The following TOP1 variants were observed in gnomAD, a reference collection of about 807,000 sequenced individuals.
The protein encoded by TOP1 is DNA topoisomerase 1.
In TOP1, 10 loss-of-function variants were observed where a neutral mutation model predicts 111.1. That is an observed-to-expected ratio of 0.09 (90% CI 0.06 to 0.15). The LOEUF (loss-of-function observed/expected upper bound fraction) is 0.15, where lower values mean the gene tolerates loss of function less well. Among genes scored for constraint, TOP1 ranks in the 10% least tolerant of loss-of-function variants. The probability of loss-of-function intolerance (pLI) is 1.00; values close to 1 mark genes in which losing one functional copy is unlikely to be tolerated. For missense variants in TOP1, 474 were observed against 926.7 expected (o/e 0.51, Z 6.34); for synonymous variants, 271 against 302.9 (o/e 0.89, Z 1.10).
chr20:41,028,921 T>C lies in TOP1; in HGVS notation c.-147T>C. The stretch of plus-strand genomic sequence containing the variant: ...CCGCCGTGGTAGCAGCCTCAGCCGT[T>C]TCTGGAGTCTCGGGCCCACAGTCAC... On this transcript the variant is annotated 5_prime_UTR_variant, in exon 1 of 21. Coordinates refer to ENST00000361337, the MANE Select transcript of TOP1 (RefSeq NM_003286.4). 1 of 642,072 alleles carries C rather than the reference T, an allele frequency of 1.6e-6. No individual in the cohort carries two copies. The highest frequency in any genetic ancestry group is 2.7e-6 in the Non-Finnish European group (1 of 376,450). 39.8% of individuals were successfully genotyped at this position (642,072 alleles called of 1,614,324 possible). A position where few individuals can be genotyped will look rare whatever the true frequency, so the allele number is the denominator to read the frequency against.
chr20:41,074,691 C>T (rs1315726642), intron 3 of TOP1, among the ~76,000 whole-genome samples: 9 of 152,130 alleles, frequency 5.9e-5, no homozygotes, highest in Non-Finnish European at 1.3e-4. Flanking sequence ...AACTGCATGC[C>T]ATCATTTGTT....
chr20:41,114,248 C>T lies in TOP1; in HGVS notation c.1638+93C>T. 1 of 1,156,224 alleles carries T rather than the reference C, an allele frequency of 8.6e-7. No individual in the cohort carries two copies. Among genetic ancestry groups the T allele is most frequent in the Non-Finnish European group, 1.2e-6 (1 of 800,456 alleles). The allele number at this position is 1,156,224 out of a possible 1,614,324, so 71.6% of individuals were successfully genotyped here. A position where few individuals can be genotyped will look rare whatever the true frequency, so the allele number is the denominator to read the frequency against. On this transcript the variant is annotated intron_variant, in intron 15 of 20. Transcript: ENST00000361337. This position sits in a 1 kb window ranked among gnomAD's most constrained non-coding sequence, Gnocchi z 4.5. ...TTTGTGTGCTTTGCACTTTGCTGGG[C>T]ACCAGCAAAAGTGACTTGAGACAGG...
intron 9 of TOP1, among the ~76,000 whole-genome samples, chr20:41,096,901 A>C (rs2033990616): frequency 6.6e-6 from 1 of 152,020 alleles, no homozygotes; most frequent in Non-Finnish European, 1.5e-5. Context: ...GGTGTAAAGG[A>C]CCCTGCTTGC....
At chr20:41,091,788 C>A (rs967474622) in intron 8 of TOP1, among the ~76,000 whole-genome samples, 7 of 152,088 alleles carry the variant, frequency 4.6e-5, no homozygotes, top group African/African-American at 1.7e-4. Context: ...TGGATCACGA[C>A]CTCCTGACCT....
At chr20:41,119,446 CTG>C (rs1221471598) in intron 18 of TOP1, among the ~76,000 whole-genome samples, 3 of 152,096 alleles carry the variant, frequency 2.0e-5, no homozygotes, top group Non-Finnish European at 4.4e-5. Context: ...GAGACCCTGT[CTG>C]TATTAAAAAT....
chr20:41,112,723 A>T lies in TOP1; in HGVS notation c.1309-59A>T. 6.3e-7 allele frequency: 1 copy of T among 1,584,722 alleles called. No individual in the cohort carries two copies. The highest frequency in any genetic ancestry group is 8.6e-7 in the Non-Finnish European group (1 of 1,161,148). The stretch of plus-strand genomic sequence containing the variant: ...GCGCCACCTTGCCTGGCTATATTCA[A>T]AGTCTGTCTTTACTACACTGTCCCA... On this transcript the variant is annotated intron_variant, in intron 13 of 20. Coordinates refer to ENST00000361337, the MANE Select transcript of TOP1 (RefSeq NM_003286.4). The surrounding 1 kb of genome is among the most constrained non-coding windows in gnomAD (Gnocchi z 5.8).
At position 41,082,282 on chromosome 20, in the gene TOP1, T is replaced by C. The variant is rs1054042957; in HGVS notation, c.507+1042T>C. On this transcript the variant is annotated intron_variant, in intron 7 of 20. Transcript: ENST00000361337. This position sits in a 1 kb window ranked among gnomAD's most constrained non-coding sequence, Gnocchi z 4.1. ...AATAGAATGATGTTAATAATCACAA[T>C]TAAATGTAATAGGTGCTTACCATGT... 1.3e-5 allele frequency among the ~76,000 whole-genome samples: 2 copies of C among 152,214 alleles called. No homozygotes were observed. Among genetic ancestry groups the C allele is most frequent in the Non-Finnish European group, 2.9e-5 (2 of 68,024 alleles).
rs1379148403 is a variant in TOP1, at chr20:41,080,720, G to GA, written c.432-442dup. 6.6e-6 allele frequency among the ~76,000 whole-genome samples: 1 copy of GA among 152,128 alleles called. No homozygotes were observed. Among genetic ancestry groups the GA allele is most frequent in the Non-Finnish European group, 1.5e-5 (1 of 68,030 alleles). On this transcript the variant is annotated intron_variant, in intron 6 of 20. Coordinates refer to ENST00000361337, the MANE Select transcript of TOP1 (RefSeq NM_003286.4). The surrounding 1 kb of genome is among the most constrained non-coding windows in gnomAD (Gnocchi z 5.0). Reference sequence around the variant, plus strand: ...AGAAATTGGATGGAAAGGGAGAAGGGAAATACTTAGTGAACTCATTTGTAT... The same window carrying GA: ...AGAAATTGGATGGAAAGGGAGAAGGGAAAATACTTAGTGAACTCATTTGTAT...
intron 2 of TOP1, among the ~76,000 whole-genome samples, chr20:41,051,526 G>C (rs1007366945): frequency 1.3e-5 from 2 of 152,182 alleles, no homozygotes; most frequent in South Asian, 2.1e-4. Flanking sequence ...AGAGACACCA[G>C]ATAGAATAAG....
At chr20:41,045,916 A>AT (rs536300631) in intron 2 of TOP1, among the ~76,000 whole-genome samples, 171 of 152,330 alleles carry the variant, frequency 1.1e-3, no homozygotes, top group African/African-American at 4.0e-3. Flanking sequence ...GCTGCATCTT[A>AT]TAAGTAATCT....
chr20:41,029,170 C>G lies in TOP1; in HGVS notation c.33+70C>G. On this transcript the variant is annotated intron_variant, in intron 1 of 20. Transcript: ENST00000361337. The surrounding 1 kb of genome is among the most constrained non-coding windows in gnomAD (Gnocchi z 6.1). ...CGTCCCGCGACCCCCGGCGCAGGCC[C>G]CGACCCCAGCCCCGGCCCGGCAGCT... 8.1e-7 allele frequency: 1 copy of G among 1,227,156 alleles called. No homozygotes were observed. The highest frequency in any genetic ancestry group is 1.1e-6 in the Non-Finnish European group (1 of 933,282). The allele number at this position is 1,227,156 out of a possible 1,614,324, so 76.0% of individuals were successfully genotyped here. A position where few individuals can be genotyped will look rare whatever the true frequency, so the allele number is the denominator to read the frequency against.
chr20:41,123,455 G>T lies in TOP1; in HGVS notation c.*158G>T. On this transcript the variant is annotated 3_prime_UTR_variant, in exon 21 of 21. Transcript: ENST00000361337. This position sits in a 1 kb window ranked among gnomAD's most constrained non-coding sequence, Gnocchi z 5.8. ...AGATAAACCTGGAGATATTATAAGG[G>T]AGAGCTGAGCCAGTTGTCCTATGGA... 1 of 532,936 alleles carries T rather than the reference G, an allele frequency of 1.9e-6. No homozygotes were observed. Among genetic ancestry groups the T allele is most frequent in the Non-Finnish European group, 3.3e-6 (1 of 301,984 alleles). The allele number at this position is 532,936 out of a possible 1,614,324, so 33.0% of individuals were successfully genotyped here.
rs2145954386 is a variant in TOP1 at position 41,102,644 on chromosome 20, T to C, written c.1308+1291T>C. Among the ~76,000 whole-genome samples, 1 of 152,242 alleles carries C rather than the reference T, an allele frequency of 6.6e-6. No individual in the cohort carries two copies. Among genetic ancestry groups the C allele is most frequent in the African/African-American group, 2.4e-5 (1 of 41,528 alleles). On this transcript the variant is annotated intron_variant, in intron 13 of 20. Transcript: ENST00000361337. The surrounding 1 kb of genome is among the most constrained non-coding windows in gnomAD (Gnocchi z 4.0). ...ACTAAATACATAAATAAAAATAAAA[T>C]GTAGTTTTTGTAGTTTAGATAAGTA... is the stretch of plus-strand genomic sequence containing the variant.
chr20:41,116,248 G>A lies in TOP1; in HGVS notation c.1708-30G>A, dbSNP rs781391410. The A allele has an allele frequency of 6.7e-7, 1 of 1,500,086 alleles. No homozygotes were observed. The highest frequency in any genetic ancestry group is 1.1e-5 in the South Asian group (1 of 88,418). 92.9% of individuals were successfully genotyped at this position (1,500,086 alleles called of 1,614,324 possible). The stretch of plus-strand genomic sequence containing the variant: ...CAGAAGGAGCAGGTAGTATAGCTTT[G>A]ACCTAAATCTGTTGCTTTGTCTCCT... On this transcript the variant is annotated intron_variant, in intron 16 of 20. Transcript: ENST00000361337. This position sits in a 1 kb window ranked among gnomAD's most constrained non-coding sequence, Gnocchi z 5.6.
intron 17 of TOP1, among the ~76,000 whole-genome samples, chr20:41,117,894 A>T (rs532349217): frequency 6.6e-6 from 1 of 152,132 alleles, no homozygotes; most frequent in African/African-American, 2.4e-5. Context: ...GAGTAAAAAG[A>T]AAGGTGTAGA....
Position 41,097,160 on chromosome 20 carries a change from G to GTA in TOP1, c.731-58_731-57dup. The GTA allele has an allele frequency of 6.3e-6, 10 of 1,581,922 alleles. No homozygotes were observed. Among genetic ancestry groups the GTA allele is most frequent in the Non-Finnish European group, 8.6e-6 (10 of 1,165,232 alleles). ...ATTAAAGAGAATTCGCTAGCCCTGG[G>GTA]TATTTATGCTTAGAACATGAATACT... On this transcript the variant is annotated intron_variant, in intron 9 of 20. Coordinates refer to ENST00000361337, the MANE Select transcript of TOP1 (RefSeq NM_003286.4). This position sits in a 1 kb window ranked among gnomAD's most constrained non-coding sequence, Gnocchi z 4.2.
chr20:41,038,478 C>G (rs755674195), intron 2 of TOP1, among the ~76,000 whole-genome samples: 1 of 152,172 alleles, frequency 6.6e-6, no homozygotes, highest in Non-Finnish European at 1.5e-5. Context: ...TCTTTACTTT[C>G]TTTAAATTTG....
At chr20:41,048,460 C>G (rs544563901) in intron 2 of TOP1, among the ~76,000 whole-genome samples, 2 of 152,196 alleles carry the variant, frequency 1.3e-5, no homozygotes, top group African/African-American at 4.8e-5. Context: ...TTTTAAAATT[C>G]ATAGAATTCA....
Position 41,030,620 on chromosome 20 carries a change from G to C in TOP1, c.58+1165G>C, listed in dbSNP as rs552981831. Among the ~76,000 whole-genome samples the C allele has an allele frequency of 1.3e-5, 2 of 152,270 alleles. No individual in the cohort carries two copies. The highest frequency in any genetic ancestry group is 1.9e-4 in the East Asian group (1 of 5,188). ...TCCTTGCAGGCTTTCGAACAACCCT[G>C]TTGAAGGAGAAGTTACCTTCTGTAG... On this transcript the variant is annotated intron_variant, in intron 2 of 20. Transcript: ENST00000361337. This position sits in a 1 kb window ranked among gnomAD's most constrained non-coding sequence, Gnocchi z 4.1.
Sources: gnomAD v4.1 joint callset for allele counts (sites outside exome capture counted in the v4.1 genomes callset) on GRCh38, gnomAD v4.1.1 for gene constraint, Gnocchi (gnomAD v3.1) non-coding constraint, MANE v1.5 for transcripts, NCBI Gene and HGNC (gene_info 2026-07-23, HGNC 2026-07-21) for gene names.